Variants in NKTR observed in about 807,000 individuals in gnomAD.
The protein encoded by NKTR is NK-tumor recognition protein.
In NKTR, 67 loss-of-function variants were observed where a neutral mutation model predicts 156.3. The ratio of observed to expected loss-of-function variants is 0.43; its 90% CI spans 0.35 to 0.53. NKTR has a LOEUF of 0.53. Among genes scored for constraint, NKTR ranks in the 20% least tolerant of loss-of-function variants. The pLI, the probability that NKTR is intolerant of heterozygous loss-of-function variation, is 0.01. For missense variants in NKTR, 1,604 were observed against 1,730.9 expected (o/e 0.93, Z 1.30); for synonymous variants, 640 against 596.6 (o/e 1.07, Z -1.06).
chr3:42,600,671 C>G (rs190057555), upstream of NKTR: 2 of 199,918 alleles, frequency 1.0e-5, no homozygotes. Flanking sequence ...TTGGGAGGCC[C>G]GGCCTGGGGG....
chr3:42,639,576 C>A lies in NKTR; in HGVS notation c.3872C>A (p.Pro1291Gln). The stretch of plus-strand genomic sequence containing the variant: ...AAGACAGCACGCTTAAACCGTAGAC[C>A]AAGAAATCAGGAGAGTTCAAGTGAT... Reference protein sequence around the residue: ...VRKTARLNRRPRNQESSSDEQ... With the variant: ...VRKTARLNRRQRNQESSSDEQ... Residue 1291 changes from proline (P) to glutamine (Q), a missense_variant, in exon 13 of 17, where the codon CCA becomes CAA. Pro to Gln is a moderately conservative substitution (Grantham distance 76). Transcript: ENST00000232978. 1 of 1,614,164 alleles carries A rather than the reference C, an allele frequency of 6.2e-7. No homozygotes were observed. Among genetic ancestry groups the A allele is most frequent in the Non-Finnish European group, 8.5e-7 (1 of 1,180,018 alleles).
At chr3:42,621,539 T>C (rs1292052461) in intron 6 of NKTR, 23 bp downstream of exon 6, 2 of 1,601,106 alleles carry the variant, frequency 1.2e-6, no homozygotes, top group Non-Finnish European at 1.7e-6. Context: ...AATTCAGAGA[T>C]GAGCTTTTCT....
intron 2 of NKTR, among the ~76,000 whole-genome samples, chr3:42,605,377 T>G (rs1706136139): frequency 6.6e-6 from 1 of 152,226 alleles, no homozygotes; most frequent in East Asian, 1.9e-4. Context: ...TGCTTAAGAT[T>G]CATAAAAACA....
At chr3:42,611,675 G>T (rs1250183810) in intron 2 of NKTR, among the ~76,000 whole-genome samples, 1 of 150,838 alleles carries the variant, frequency 6.6e-6, no homozygotes, top group Non-Finnish European at 1.5e-5. Flanking sequence ...GGAGATTGCA[G>T]TGAGCCAAGA....
intron 2 of NKTR, chr3:42,602,162 TATATAATA>T: frequency 6.6e-6 from 1 of 152,324 alleles, no homozygotes; most frequent in South Asian, 2.1e-4. Context: ...AATGGTCTTA[TATATAATA>T]CCTTTTTTTG....
At chr3:42,634,881 TTTAA>T (rs746511809) in intron 11 of NKTR, 181 bp downstream of exon 11, 17 of 509,044 alleles carry the variant, frequency 3.3e-5, no homozygotes, top group South Asian at 2.7e-4. Flanking sequence ...TTTGAATGGG[TTTAA>T]TTGAGTATGA....
At chr3:42,628,372 C>A in intron 6 of NKTR, 1 of 985,110 alleles carries the variant, frequency 1.0e-6, no homozygotes, top group South Asian at 4.7e-5. Flanking sequence ...ACTTGAATGT[C>A]ATAAAGATAG....
chr3:42,604,451 C>T (rs571068680), intron 2 of NKTR, among the ~76,000 whole-genome samples: 5 of 151,546 alleles, frequency 3.3e-5, no homozygotes, highest in Admixed American at 2.0e-4. Context: ...ACATGATTTC[C>T]GTTCTTTGTG....
intron 12 of NKTR, 199 bp downstream of exon 12, chr3:42,635,565 T>A: frequency 2.3e-6 from 1 of 427,502 alleles, no homozygotes; most frequent in South Asian, 5.1e-5. Flanking sequence ...AATCCTGTTT[T>A]CCTTAACAAA....
intron 12 of NKTR, chr3:42,635,588 G>T: frequency 2.8e-6 from 1 of 360,312 alleles, no homozygotes; most frequent in Non-Finnish European, 5.0e-6. Flanking sequence ...CTATAAGCCT[G>T]TGTCTTTTAA....
chr3:42,610,112 T>C (rs1017274699), intron 2 of NKTR, among the ~76,000 whole-genome samples: 2 of 152,148 alleles, frequency 1.3e-5, no homozygotes, highest in African/African-American at 4.8e-5. Flanking sequence ...TTCAAGCGAT[T>C]CTCCTGCCTC....
At chr3:42,629,083 G>A (rs1708661790) in intron 6 of NKTR, 1 of 948,510 alleles carries the variant, frequency 1.1e-6, no homozygotes, top group African/African-American at 1.8e-5. Context: ...CCAATTTCTT[G>A]TCTTTAGTGT....
chr3:42,633,658 A>G lies in NKTR; in HGVS notation c.852A>G (p.Pro284=). Residue 284 remains proline, a synonymous_variant, in exon 10 of 17, where the codon CCA becomes CCG. Coordinates refer to ENST00000232978, the MANE Select transcript of NKTR (RefSeq NM_005385.4). ...AAAGGGAAAAACCTGTGGTCCGCCC[A>G]GAAGAGATTCCTCCAGTGCCTGAGA... ...SAKREKPVVR[P]EEIPPVPENR... The G allele has an allele frequency of 2.5e-6, 4 of 1,614,182 alleles. No individual in the cohort carries two copies. The highest frequency in any genetic ancestry group is 8.5e-7 in the Non-Finnish European group (1 of 1,180,016).
At chr3:42,610,733 C>G (rs993968325) in intron 2 of NKTR, among the ~76,000 whole-genome samples, 1 of 151,904 alleles carries the variant, frequency 6.6e-6, no homozygotes, top group Non-Finnish European at 1.5e-5. Flanking sequence ...TTTATATCAT[C>G]TCTCCCAGGC....
rs1212349724 is a variant in NKTR at position 42,619,037 on chromosome 3, A to C, written c.151A>C (p.Lys51Gln). 2 of 1,592,984 alleles carry C rather than the reference A, an allele frequency of 1.3e-6. No individual in the cohort carries two copies. Among genetic ancestry groups the C allele is most frequent in the East Asian group, 4.5e-5 (2 of 44,584 alleles). ...TTTTCCAGGAGAGAAAGGCCTTGGG[A>C]AAACAACTGGGAAGAAGTTATGTTA... ...CLCSGEKGLG[K>Q]TTGKKLCYKG... Residue 51 changes from lysine to glutamine, a missense_variant, in exon 4 of 17, where the codon AAA (lysine) becomes CAA (glutamine). By Grantham distance (53) the Lys-to-Gln change is moderately conservative. Coordinates refer to ENST00000232978, the MANE Select transcript of NKTR (RefSeq NM_005385.4).
intron 2 of NKTR, among the ~76,000 whole-genome samples, chr3:42,612,920 G>A (rs1316804701): frequency 1.3e-5 from 2 of 151,816 alleles, no homozygotes; most frequent in Non-Finnish European, 2.9e-5. Context: ...TTTTTTCCTG[G>A]TATGTAGTGA....
intron 6 of NKTR, chr3:42,629,618 G>A (rs1708708717): frequency 2.0e-6 from 2 of 979,042 alleles, no homozygotes; most frequent in African/African-American, 1.8e-5. Context: ...TCAAATTTCT[G>A]TTTTCTAGCT....
chr3:42,644,047 C>T (rs200655662), intron 16 of NKTR, 44 bp downstream of exon 16: 30 of 1,317,702 alleles, frequency 2.3e-5, no homozygotes, highest in African/African-American at 2.2e-4. Context: ...CTGTAGGCCA[C>T]GGTGGGCACT....
rs1438539374 is a variant in NKTR at position 42,647,967 on chromosome 3, G to C, written c.*1992G>C. On this transcript the variant is annotated 3_prime_UTR_variant, in exon 17 of 17. Transcript: ENST00000232978. ...TGGCAGGACAACATTCCTTCATGGA[G>C]GCTCTGGGGAAGAATCTGCTTCTAA... 1 of 152,208 alleles carries C rather than the reference G, an allele frequency of 6.6e-6. No homozygotes were observed. The highest frequency in any genetic ancestry group is 6.5e-5 in the Admixed American group (1 of 15,286). 9.4% of individuals were successfully genotyped at this position (152,208 alleles called of 1,614,324 possible).
Sources: allele counts gnomAD v4.1 joint callset (sites outside exome capture counted in the v4.1 genomes callset), GRCh38; gene constraint gnomAD v4.1.1; transcripts MANE v1.5; gene names NCBI Gene and HGNC (gene_info 2026-07-23, HGNC 2026-07-21).